CDKAL1: variants seen among roughly 807,000 people sequenced by gnomAD.
The protein encoded by CDKAL1 is CDKAL1 threonylcarbamoyladenosine tRNA methylthiotransferase, also known as threonylcarbamoyladenosine tRNA methylthiotransferase.
CDKAL1 carries 32 observed loss-of-function variants against 68.2 expected under a neutral mutation model. That is an observed-to-expected ratio of 0.47 (90% CI 0.35 to 0.63). The LOEUF is 0.63. Ranked by LOEUF, CDKAL1 falls within the 30% of genes least tolerant of loss-of-function variation. The pLI is 0.00. For synonymous variants in CDKAL1, 234 were observed against 244.3 expected (o/e 0.96, Z 0.39); for missense variants, 606 against 696.7 (o/e 0.87, Z 1.47).
At chr6:21,219,767 TA>T (rs1779468670) in intron 15 of CDKAL1, among the ~76,000 whole-genome samples, 1 of 152,320 alleles carries the variant, frequency 6.6e-6, no homozygotes, top group African/African-American at 2.4e-5. Flanking sequence ...CTTTTTCATT[TA>T]AAATACAAAC....
chr6:20,955,264 G>A (rs1342416147), intron 9 of CDKAL1, among the ~76,000 whole-genome samples, 155 bp from the exon 10 acceptor site: 1 of 152,162 alleles, frequency 6.6e-6, no homozygotes, highest in Non-Finnish European at 1.5e-5. Context: ...ATAACCCACT[G>A]GCACCATGGG....
chr6:20,925,728 A>T (rs1343816092), intron 9 of CDKAL1, among the ~76,000 whole-genome samples: 1 of 152,156 alleles, frequency 6.6e-6, no homozygotes, highest in South Asian at 2.1e-4. Flanking sequence ...TTACCGATAA[A>T]TGATACTAAT....
At chr6:20,846,973 T>A (rs1043653781) in intron 9 of CDKAL1, among the ~76,000 whole-genome samples, 1 of 152,232 alleles carries the variant, frequency 6.6e-6, no homozygotes, top group Non-Finnish European at 1.5e-5. Context: ...TACTTTTCTT[T>A]TTGTCAAGTA....
intron 14 of CDKAL1, 91 bp from the exon 15 acceptor site, chr6:21,201,019 C>A: frequency 8.3e-7 from 1 of 1,206,984 alleles, no homozygotes; most frequent in Non-Finnish European, 1.2e-6. Flanking sequence ...GCTCTCCATA[C>A]TATCTTTGCA....
chr6:20,736,462 T>C (rs1773197109), intron 5 of CDKAL1, among the ~76,000 whole-genome samples: 1 of 152,156 alleles, frequency 6.6e-6, no homozygotes, highest in Admixed American at 6.5e-5. Context: ...ATTTCTGTAA[T>C]CATCATCATC....
chr6:20,985,374 A>G (rs1766399439), intron 10 of CDKAL1, among the ~76,000 whole-genome samples: 1 of 151,964 alleles, frequency 6.6e-6, no homozygotes, highest in Non-Finnish European at 1.5e-5. Context: ...GCTCACTGCA[A>G]CCTCTGCCTC....
intron 11 of CDKAL1, among the ~76,000 whole-genome samples, chr6:21,056,526 G>C (rs1344239788): frequency 6.6e-6 from 1 of 152,068 alleles, no homozygotes; most frequent in Non-Finnish European, 1.5e-5. Context: ...TTCTTCTCTT[G>C]CCTGATTTTC....
At chr6:20,691,440 C>T (rs1185218982) in intron 5 of CDKAL1, among the ~76,000 whole-genome samples, 1 of 151,976 alleles carries the variant, frequency 6.6e-6, no homozygotes, top group African/African-American at 2.4e-5. Context: ...GCATGAGTGC[C>T]TGGCTAAGTG....
chr6:20,801,499 A>ATT (rs34686362), intron 8 of CDKAL1, among the ~76,000 whole-genome samples: 10 of 151,844 alleles, frequency 6.6e-5, no homozygotes, highest in Middle Eastern at 3.2e-3. Context: ...AGTCCAACTT[A>ATT]TTTTTTTAAC....
At chr6:21,216,874 G>A (rs1779355255) in intron 15 of CDKAL1, among the ~76,000 whole-genome samples, 1 of 152,266 alleles carries the variant, frequency 6.6e-6, no homozygotes, top group Admixed American at 6.5e-5. Flanking sequence ...CATTTCTCTA[G>A]TCTGGGTGCC....
At chr6:21,102,800 C>G (rs544265638) in intron 12 of CDKAL1, among the ~76,000 whole-genome samples, 1 of 152,206 alleles carries the variant, frequency 6.6e-6, no homozygotes, top group Non-Finnish European at 1.5e-5. Flanking sequence ...CTGCGTGACT[C>G]TATTCTGAAC....
At chr6:21,060,522 T>C (rs1771085343) in intron 11 of CDKAL1, among the ~76,000 whole-genome samples, 1 of 152,122 alleles carries the variant, frequency 6.6e-6, no homozygotes, top group African/African-American at 2.4e-5. Flanking sequence ...TATTTTCTAT[T>C]TCATTGATTT....
At chr6:20,584,455 C>T (rs1445714870) in intron 4 of CDKAL1, among the ~76,000 whole-genome samples, 1 of 152,088 alleles carries the variant, frequency 6.6e-6, no homozygotes, top group African/African-American at 2.4e-5. Context: ...TACATGCAGG[C>T]TGGAAATGCA....
rs55998379 is a variant in CDKAL1 at position 20,549,580 on chromosome 6, ATATTTATTTATT to A, written c.286+906_286+917del. On this transcript the variant is annotated intron_variant, in intron 4 of 15. Transcript: ENST00000274695. ...CTGCTATCTTGTTTTCTTTACATTT[ATATTTATTTATT>A]TATTTATTTATTTATTTATTTATTT... is the stretch of plus-strand genomic sequence containing the variant. 3.6e-3 allele frequency among the ~76,000 whole-genome samples: 529 copies of A among 147,852 alleles called. 12 individuals are homozygous for A. The South Asian group carries it at 0.046, about 13-fold the overall frequency.
At chr6:20,579,109 C>T (rs1201867500) in intron 4 of CDKAL1, among the ~76,000 whole-genome samples, 27 of 152,134 alleles carry the variant, frequency 1.8e-4, no homozygotes. Flanking sequence ...TTCCGAGTAG[C>T]TGGCATTACG....
At chr6:20,719,265 T>C (rs1353453625) in intron 5 of CDKAL1, among the ~76,000 whole-genome samples, 1 of 152,222 alleles carries the variant, frequency 6.6e-6, no homozygotes, top group Non-Finnish European at 1.5e-5. Context: ...TTTTAACTCA[T>C]TACCACAAAA....
intron 8 of CDKAL1, among the ~76,000 whole-genome samples, chr6:20,815,465 A>G (rs1010989820): frequency 2.0e-5 from 3 of 152,050 alleles, no homozygotes; most frequent in Admixed American, 6.5e-5. Context: ...TGGGTTTTCA[A>G]AATCACTTAC....
chr6:21,215,812 C>A (rs79844423), intron 15 of CDKAL1, among the ~76,000 whole-genome samples: 1 of 152,086 alleles, frequency 6.6e-6, no homozygotes, highest in African/African-American at 2.4e-5. Flanking sequence ...ACTTCACCCC[C>A]CAAAGGTGAT....
intron 15 of CDKAL1, among the ~76,000 whole-genome samples, chr6:21,204,403 C>T (rs892711279): frequency 1.3e-5 from 2 of 152,132 alleles, no homozygotes; most frequent in African/African-American, 2.4e-5. Flanking sequence ...TTTATTTCAT[C>T]TAGAAATATA....
Sources: gnomAD v4.1 joint callset for allele counts (sites outside exome capture counted in the v4.1 genomes callset) on GRCh38, gnomAD v4.1.1 for gene constraint, MANE v1.5 for transcripts, NCBI Gene and HGNC (gene_info 2026-07-23, HGNC 2026-07-21) for gene names.